RASAL2: variants seen among roughly 807,000 people sequenced by gnomAD.
The protein encoded by RASAL2 is ras GTPase-activating protein nGAP.
Under a neutral mutation model 128.9 loss-of-function variants are expected in RASAL2, and 58 were observed. The observed-to-expected ratio is 0.45, with a 90% CI of 0.36 to 0.56. RASAL2 has a LOEUF of 0.56. Among genes scored for constraint, RASAL2 ranks in the 20% least tolerant of loss-of-function variants. RASAL2 has a pLI of 0.00. For missense variants in RASAL2, 1,360 were observed against 1,601.6 expected, an observed-to-expected ratio of 0.85 and a Z score of 2.57; for synonymous variants, 561 against 580.8, an observed-to-expected ratio of 0.97 and a Z score of 0.49.
At chr1:178,324,709 T>C (rs1266409338) in intron 3 of RASAL2, among the ~76,000 whole-genome samples, 3 of 152,120 alleles carry the variant, frequency 2.0e-5, no homozygotes, top group Non-Finnish European at 2.9e-5. Context: ...TAGCTAAATA[T>C]CGTTTAATTG....
At chr1:178,312,859 C>G (rs1324406634) in intron 3 of RASAL2, among the ~76,000 whole-genome samples, 1 of 152,156 alleles carries the variant, frequency 6.6e-6, no homozygotes, top group Non-Finnish European at 1.5e-5. Context: ...TAGCTCAGGA[C>G]AAAGAGAACA....
intron 4 of RASAL2, among the ~76,000 whole-genome samples, chr1:178,419,485 G>A (rs558079967): frequency 2.0e-5 from 3 of 151,624 alleles, no homozygotes; most frequent in African/African-American, 7.3e-5. Context: ...ATGGGGTCTC[G>A]CCATTTTGCC....
chr1:178,384,920 A>G (rs1417008344), intron 3 of RASAL2, among the ~76,000 whole-genome samples: 1 of 152,216 alleles, frequency 6.6e-6, no homozygotes, highest in Non-Finnish European at 1.5e-5. Context: ...CAAATATTAT[A>G]TGGCATATGA....
At chr1:178,241,017 G>T (rs1571686657) in intron 1 of RASAL2, among the ~76,000 whole-genome samples, 1 of 151,842 alleles carries the variant, frequency 6.6e-6, no homozygotes, top group Non-Finnish European at 1.5e-5. Flanking sequence ...ATTGACCAGT[G>T]TGGTTTTTAA....
chr1:178,308,281 T>C (rs2102294061), intron 3 of RASAL2, among the ~76,000 whole-genome samples: 1 of 152,164 alleles, frequency 6.6e-6, no homozygotes, highest in South Asian at 2.1e-4. Flanking sequence ...CAAAGCTAGC[T>C]ATCTAAAATT....
intron 3 of RASAL2, among the ~76,000 whole-genome samples, chr1:178,379,097 A>C (rs1443910702): frequency 2.0e-5 from 3 of 152,190 alleles, no homozygotes; most frequent in Non-Finnish European, 4.4e-5. Context: ...AAAATAGACT[A>C]TTATAAAAAA....
intron 3 of RASAL2, among the ~76,000 whole-genome samples, chr1:178,378,156 T>G (rs1039208950): frequency 6.6e-6 from 1 of 151,300 alleles, no homozygotes; most frequent in African/African-American, 2.4e-5. Context: ...TTTAATGCTA[T>G]GAATGAGAGA....
At chr1:178,408,871 C>CA (rs757029101) in intron 4 of RASAL2, among the ~76,000 whole-genome samples, 1 of 152,086 alleles carries the variant, frequency 6.6e-6, no homozygotes, top group Non-Finnish European at 1.5e-5. Flanking sequence ...TCTCCTCTGC[C>CA]ATTTAGCATC....
At chr1:178,171,486 T>G (rs1285639318) in intron 1 of RASAL2, among the ~76,000 whole-genome samples, 1 of 151,976 alleles carries the variant, frequency 6.6e-6, no homozygotes, top group Non-Finnish European at 1.5e-5. Context: ...GTTAGTAGTT[T>G]TGAGGGAAAA....
chr1:178,430,789 T>C (rs907001798), intron 5 of RASAL2, among the ~76,000 whole-genome samples: 1 of 152,056 alleles, frequency 6.6e-6, no homozygotes, highest in African/African-American at 2.4e-5. Flanking sequence ...TGTGAATATG[T>C]AGGGCTTTTG....
intron 1 of RASAL2, among the ~76,000 whole-genome samples, chr1:178,251,274 C>T (rs1665044794): frequency 6.6e-6 from 1 of 152,172 alleles, no homozygotes; most frequent in Admixed American, 6.5e-5. Context: ...ACTATGTAAG[C>T]TTATAACTTT....
intron 17 of RASAL2, among the ~76,000 whole-genome samples, chr1:178,469,239 G>GT (rs1648035730): frequency 6.6e-6 from 1 of 152,060 alleles, no homozygotes; most frequent in African/African-American, 2.4e-5. Flanking sequence ...CAAGGCTGTG[G>GT]TGAGCCATAT....
chr1:178,472,796 T>A (rs982218786), intron 17 of RASAL2, among the ~76,000 whole-genome samples: 7 of 152,336 alleles, frequency 4.6e-5, no homozygotes, highest in Non-Finnish European at 8.8e-5. Flanking sequence ...ACACATGGTA[T>A]CACTTTTACA....
At chr1:178,189,545 C>T (rs1267416961) in intron 1 of RASAL2, among the ~76,000 whole-genome samples, 1 of 152,172 alleles carries the variant, frequency 6.6e-6, no homozygotes, top group Non-Finnish European at 1.5e-5. Flanking sequence ...ATTTCTGTTA[C>T]ATTGTATATT....
intron 1 of RASAL2, among the ~76,000 whole-genome samples, chr1:178,212,426 A>G (rs542837668): frequency 6.6e-6 from 1 of 152,330 alleles, no homozygotes; most frequent in East Asian, 1.9e-4. Context: ...TAACGGAGGA[A>G]CTGGTAAGAG....
intron 1 of RASAL2, among the ~76,000 whole-genome samples, chr1:178,096,653 G>A (rs768407211): frequency 6.6e-6 from 1 of 151,658 alleles, no homozygotes; most frequent in Non-Finnish European, 1.5e-5. Context: ...GAAATGCATG[G>A]TATGTATATG....
intron 1 of RASAL2, among the ~76,000 whole-genome samples, chr1:178,183,342 G>A (rs544779211): frequency 9.3e-4 from 141 of 152,234 alleles, no homozygotes; most frequent in African/African-American, 3.2e-3. Context: ...TTTTAAATTT[G>A]TATCCTTTAA....
At chr1:178,105,702 A>G (rs1389952230) in intron 1 of RASAL2, among the ~76,000 whole-genome samples, 1 of 142,626 alleles carries the variant, frequency 7.0e-6, no homozygotes, top group Non-Finnish European at 1.5e-5. Flanking sequence ...TTTTTTTTTG[A>G]GACGGAGTCT....
intron 3 of RASAL2, among the ~76,000 whole-genome samples, chr1:178,371,624 C>G (rs1671724767): frequency 6.6e-6 from 1 of 152,018 alleles, no homozygotes; most frequent in South Asian, 2.1e-4. Flanking sequence ...TATCAACCTG[C>G]CTTTTCTTGC....
Sources: gnomAD v4.1 joint callset for allele counts (sites outside exome capture counted in the v4.1 genomes callset) on GRCh38, gnomAD v4.1.1 for gene constraint, MANE v1.5 for transcripts, NCBI Gene and HGNC (gene_info 2026-07-23, HGNC 2026-07-21) for gene names.